TAF1: variants seen among roughly 807,000 people sequenced by gnomAD.
TAF1 encodes the protein TATA-box binding protein associated factor 1, also known as transcription initiation factor TFIID subunit 1.
Under a neutral mutation model 138.5 loss-of-function variants are expected in TAF1, and 2 were observed. The ratio of observed to expected loss-of-function variants is 0.01; its 90% CI spans 0.01 to 0.05. The LOEUF is 0.05. Among genes scored for constraint, TAF1 ranks in the 10% least tolerant of loss-of-function variants. The pLI is 1.00. For missense variants in TAF1, 709 were observed against 1,478.0 expected (o/e 0.48, Z 8.53); for synonymous variants, 437 against 503.2 (o/e 0.87, Z 1.76).
chrX:71,436,038 C>CTTTTTT (rs780566468), intron 32 of TAF1, among the ~76,000 whole-genome samples: 3 of 78,422 alleles, frequency 3.8e-5, no homozygotes, highest in African/African-American at 1.1e-4. Context: ...ATGCTACCTC[C>CTTTTTT]TTTTTTTTTT....
intron 32 of TAF1, among the ~76,000 whole-genome samples, chrX:71,441,058 G>A (rs756601464): frequency 1.8e-5 from 2 of 109,565 alleles, no homozygotes; most frequent in African/African-American, 3.3e-5. Flanking sequence ...GCAACATCAT[G>A]CCCGGCTAAT....
At chrX:71,502,865 A>G (rs7052600) in intron 13 of TAF1, among the ~76,000 whole-genome samples, 5,776 of 110,550 alleles carry the variant, frequency 0.052, 373 homozygotes, top group African/African-American at 0.18. Flanking sequence ...TTGAACCCAG[A>G]AGGCAGAGGT....
intron 13 of TAF1, among the ~76,000 whole-genome samples, chrX:71,512,766 C>T (rs1391498298): frequency 1.8e-5 from 2 of 110,011 alleles, no homozygotes; most frequent in Non-Finnish European, 3.8e-5. Flanking sequence ...TGCAGTGAGC[C>T]GAGATTGTGC....
chrX:71,420,396 G>C, intron 28 of TAF1: 2 of 1,210,140 alleles, frequency 1.7e-6, no homozygotes. Flanking sequence ...ACAGAGTATG[G>C]TAACACGGTT....
downstream of TAF1, among the ~76,000 whole-genome samples, chrX:71,470,847 AAAATAAAAT>A (rs1469447857): frequency 9.3e-6 from 1 of 107,066 alleles, no homozygotes; most frequent in Non-Finnish European, 1.9e-5. Context: ...AAAATAAAAT[AAAATAAAAT>A]AAATAAAATA....
intron 32 of TAF1, among the ~76,000 whole-genome samples, chrX:71,424,816 G>A (rs1455183829): frequency 2.7e-5 from 3 of 110,955 alleles, no homozygotes; most frequent in Admixed American, 9.6e-5. Context: ...GTAGAAACGG[G>A]GTTTCACTAT....
chrX:71,506,148 C>T (rs943232784), intron 13 of TAF1, among the ~76,000 whole-genome samples: 7 of 108,604 alleles, frequency 6.4e-5, no homozygotes, highest in Non-Finnish European at 1.1e-4. Context: ...TGCAGTGAGC[C>T]GAGACCACGC....
chrX:71,488,336 C>T (rs911766552), intron 13 of TAF1, among the ~76,000 whole-genome samples: 2 of 105,970 alleles, frequency 1.9e-5, no homozygotes, highest in South Asian at 4.5e-4. Context: ...CTCCACCTCC[C>T]GGGTTCAAGC....
At chrX:71,393,238 G>A (rs1602521710) in intron 20 of TAF1, 63 bp from the exon 21 acceptor site, 1 of 1,061,879 alleles carries the variant, frequency 9.4e-7, no homozygotes, top group Non-Finnish European at 1.3e-6. Flanking sequence ...GTGTGTGTGT[G>A]TGTGTGTGTG....
At position 71,493,363 on chromosome X, in the gene TAF1, C is replaced by T. The variant is rs184818084; in HGVS notation, c.1366+32560C>T. 1.3e-4 allele frequency among the ~76,000 whole-genome samples: 15 copies of T among 112,256 alleles called. No homozygotes were observed. The East Asian group carries it at 3.4e-3, about 25-fold the overall frequency. ...TGATTGGCATGTCTCCAAGCAAACA[C>T]GCTCTAGCCCTTATGAAATGTGCTC... On this transcript the variant is annotated intron_variant and NMD_transcript_variant, in intron 13 of 14. Transcript: ENST00000373775.
chrX:71,468,684 CAAA>C (rs765313817), downstream of TAF1, among the ~76,000 whole-genome samples: 3 of 61,234 alleles, frequency 4.9e-5, no homozygotes, highest in Middle Eastern at 0.013. Context: ...GACTCCCTCT[CAAA>C]AAAAAAAAAA....
At chrX:71,443,758 C>G (rs774776692) in intron 32 of TAF1, among the ~76,000 whole-genome samples, 1 of 111,757 alleles carries the variant, frequency 8.9e-6, no homozygotes, top group Admixed American at 9.6e-5. Flanking sequence ...CACACTGTCA[C>G]CCAGGCTGAG....
intron 28 of TAF1, among the ~76,000 whole-genome samples, chrX:71,410,181 G>A (rs1027923828): frequency 7.2e-5 from 8 of 110,781 alleles, no homozygotes; most frequent in South Asian, 7.5e-4. Context: ...ATGAACCACC[G>A]CGCCCGGCCG....
chrX:71,447,287 T>G (rs1036799600), intron 32 of TAF1, among the ~76,000 whole-genome samples: 4 of 111,539 alleles, frequency 3.6e-5, no homozygotes, highest in Non-Finnish European at 7.5e-5. Flanking sequence ...ATTTTTAGTA[T>G]TTGTGGAAGA....
In TAF1 at chrX:71,382,838, T is replaced by C; in HGVS notation, c.1743T>C (p.Leu581=). Residue 581 remains leucine, a synonymous_variant, in exon 11 of 38, where the codon CTT becomes CTC. Coordinates refer to ENST00000423759, the MANE Select transcript of TAF1 (RefSeq NM_004606.5). Reference sequence around the variant, plus strand: ...ATTATTATCCCAAGCAACAGGGTCTTCGAGGCACCTTTGGAGGGAATATTA... The same window carrying C: ...ATTATTATCCCAAGCAACAGGGTCTCCGAGGCACCTTTGGAGGGAATATTA... ...DEYYYPKQQG[L]RGTFGGNIIQ... is the part of the protein sequence containing the mutation. 1 of 1,209,589 alleles carries C rather than the reference T, an allele frequency of 8.3e-7. No individual in the cohort carries two copies. The highest frequency in any genetic ancestry group is 1.1e-6 in the Non-Finnish European group (1 of 894,539).
intron 3 of TAF1, among the ~76,000 whole-genome samples, chrX:71,370,566 T>C (rs1439563508): frequency 9.0e-6 from 1 of 111,693 alleles, no homozygotes; most frequent in African/African-American, 3.3e-5. Flanking sequence ...GCCAGGCTGG[T>C]CTCGAACTCC....
intron 22 of TAF1, 47 bp downstream of exon 22, chrX:71,394,292 A>G: frequency 8.7e-7 from 1 of 1,146,399 alleles, no homozygotes; most frequent in Non-Finnish European, 1.2e-6. Flanking sequence ...AAGGGTTAAA[A>G]AAGGAGCCTA....
intron 25 of TAF1, 52 bp from the exon 26 acceptor site, chrX:71,406,586 C>T: frequency 9.0e-7 from 1 of 1,111,998 alleles, no homozygotes; most frequent in Non-Finnish European, 1.2e-6. Context: ...CTTTTTTTCC[C>T]CCTGGGAACT....
At chrX:71,484,926 T>C (rs1236714499) in intron 13 of TAF1, 2 of 112,153 alleles carry the variant, frequency 1.8e-5, no homozygotes, top group Non-Finnish European at 3.8e-5. Flanking sequence ...TGCTGTGTTG[T>C]TGTGAGCTCC....
Sources: allele counts gnomAD v4.1 joint callset (sites outside exome capture counted in the v4.1 genomes callset), GRCh38; gene constraint gnomAD v4.1.1; transcripts MANE v1.5; gene names NCBI Gene and HGNC (gene_info 2026-07-23, HGNC 2026-07-21).